ARHGAP26: variants seen among roughly 807,000 people sequenced by gnomAD.
The protein encoded by ARHGAP26 is rho GTPase-activating protein 26.
A neutral mutation model predicts 104.8 loss-of-function variants in ARHGAP26; 38 were observed. The observed-to-expected ratio is 0.36, with a 90% CI of 0.28 to 0.48. The LOEUF (loss-of-function observed/expected upper bound fraction) is 0.48, where lower values mean the gene tolerates loss of function less well. Among genes scored for constraint, ARHGAP26 ranks in the 20% least tolerant of loss-of-function variants. The pLI is 0.99. For synonymous variants in ARHGAP26, 341 were observed against 340.0 expected (o/e 1.00, Z -0.03); for missense variants, 704 against 947.9 (o/e 0.74, Z 3.38).
chr5:143,096,923 A>C (rs1454274069), intron 17 of ARHGAP26, among the ~76,000 whole-genome samples: 1 of 152,192 alleles, frequency 6.6e-6, no homozygotes, highest in Non-Finnish European at 1.5e-5. Context: ...AGAGAACATA[A>C]TATCCTCATT....
At chr5:142,966,454 A>G (rs903869627) in intron 11 of ARHGAP26, among the ~76,000 whole-genome samples, 2 of 152,228 alleles carry the variant, frequency 1.3e-5, no homozygotes, top group Non-Finnish European at 2.9e-5. Flanking sequence ...ATGTGTAAAT[A>G]CTTGGCCTCC....
chr5:143,151,851 G>T (rs1041965610), intron 20 of ARHGAP26, among the ~76,000 whole-genome samples: 1 of 152,162 alleles, frequency 6.6e-6, no homozygotes, highest in Non-Finnish European at 1.5e-5. Context: ...CCAGGCTCAG[G>T]AGGCTGAGGC....
At chr5:143,156,840 T>C (rs1316816586) in intron 20 of ARHGAP26, among the ~76,000 whole-genome samples, 1 of 152,244 alleles carries the variant, frequency 6.6e-6, no homozygotes, top group Non-Finnish European at 1.5e-5. Context: ...CAGGAACCTA[T>C]TAGCTCACCA....
chr5:142,824,005 A>G (rs889844205), intron 1 of ARHGAP26, among the ~76,000 whole-genome samples: 2 of 152,310 alleles, frequency 1.3e-5, no homozygotes, highest in East Asian at 1.9e-4. Flanking sequence ...AAGTTTGGGG[A>G]CGACTTCACT....
chr5:143,133,882 C>T lies in ARHGAP26; in HGVS notation c.1699-85C>T, dbSNP rs878912668. On this transcript the variant is annotated intron_variant, in intron 18 of 22. Transcript: ENST00000645722. ...TTTTCTTGCTAATTCCAAGACACTG[C>T]CAAGCTTTCCGTTGTACTGCTTCAG... The T allele has an allele frequency of 1.8e-5, 25 of 1,356,552 alleles. No homozygotes were observed. The Admixed American group carries it at 4.0e-4, about 22-fold the overall frequency. The allele number at this position is 1,356,552 out of a possible 1,614,324, so 84.0% of individuals were successfully genotyped here. A position where few individuals can be genotyped will look rare whatever the true frequency, so the allele number is the denominator to read the frequency against.
At chr5:142,901,909 C>T (rs1225610898) in intron 6 of ARHGAP26, 26 bp from the exon 7 acceptor site, 1 of 1,597,408 alleles carries the variant, frequency 6.3e-7, no homozygotes, top group Admixed American at 1.7e-5. Flanking sequence ...GGTTATGTGA[C>T]CTTTGCCTTT....
chr5:142,847,230 A>G (rs1772162542), intron 1 of ARHGAP26, among the ~76,000 whole-genome samples: 1 of 152,204 alleles, frequency 6.6e-6, no homozygotes, highest in Non-Finnish European at 1.5e-5. Context: ...AGATCTCAAT[A>G]AAAGGTGGCT....
Position 142,871,320 on chromosome 5 carries a change from TC to T in ARHGAP26, c.155-2078del, listed in dbSNP as rs1755263376. 6.6e-6 allele frequency among the ~76,000 whole-genome samples: 1 copy of T among 152,204 alleles called. No individual in the cohort carries two copies. The highest frequency in any genetic ancestry group is 1.5e-5 in the Non-Finnish European group (1 of 68,038). On this transcript the variant is annotated intron_variant, in intron 1 of 22. Coordinates refer to ENST00000645722, the MANE Select transcript of ARHGAP26 (RefSeq NM_001135608.3). This position sits in a 1 kb window ranked among gnomAD's most constrained non-coding sequence, Gnocchi z 4.1. ...TTGTGCATGACCAGCCACTCCCTGA[TC>T]CTCCTGGCAGCTGCCCTTGGCAGTG...
intron 3 of ARHGAP26, among the ~76,000 whole-genome samples, chr5:142,877,627 G>A (rs182912685): frequency 4.8e-4 from 73 of 152,326 alleles, no homozygotes; most frequent in South Asian, 4.1e-4. Flanking sequence ...AAGGACTTGG[G>A]GGTCCTGATT....
intron 5 of ARHGAP26, among the ~76,000 whole-genome samples, chr5:142,888,484 C>T: frequency 6.6e-6 from 1 of 152,182 alleles, no homozygotes; most frequent in East Asian, 1.9e-4. Context: ...ATGTATTGAT[C>T]ATTTTCTTCA....
chr5:143,097,836 A>AAG (rs386405162), intron 17 of ARHGAP26, among the ~76,000 whole-genome samples: 2 of 151,570 alleles, frequency 1.3e-5, no homozygotes, highest in African/African-American at 4.8e-5. Context: ...AAAAAAAAAA[A>AAG]AGAAAATTAC....
intron 1 of ARHGAP26, among the ~76,000 whole-genome samples, chr5:142,780,628 C>G (rs142971904): frequency 3.0e-4 from 45 of 152,360 alleles, no homozygotes; most frequent in African/African-American, 9.6e-4. Flanking sequence ...TAAACTGAGA[C>G]AGCTGTACCT....
intron 12 of ARHGAP26, among the ~76,000 whole-genome samples, chr5:143,027,470 C>T (rs1260090897): frequency 6.6e-6 from 1 of 151,826 alleles, no homozygotes; most frequent in Non-Finnish European, 1.5e-5. Flanking sequence ...GGGTATGAGC[C>T]ACTGCACCTG....
rs1783827616 is a variant in ARHGAP26, at chr5:143,043,826, A to T, written c.1285+1936A>T. ...AGCTGTAATGTAAAGTATGATATTC[A>T]TGCTTAATCTGTGCTGGGTCTAGAA... is the stretch of plus-strand genomic sequence containing the variant. On this transcript the variant is annotated intron_variant, in intron 14 of 22. Coordinates refer to ENST00000645722, the MANE Select transcript of ARHGAP26 (RefSeq NM_001135608.3). Among the ~76,000 whole-genome samples, 3 of 152,252 alleles carry T rather than the reference A, an allele frequency of 2.0e-5. No homozygotes were observed. The South Asian group carries it at 6.2e-4, about 31-fold the overall frequency.
chr5:142,971,509 C>T (rs43158), intron 11 of ARHGAP26, among the ~76,000 whole-genome samples: 12,223 of 152,148 alleles, frequency 0.08, 752 homozygotes, highest in East Asian at 0.26. Flanking sequence ...AGCAGCGCTG[C>T]AGGAAGTTTG....
intron 1 of ARHGAP26, among the ~76,000 whole-genome samples, chr5:142,857,428 G>C (rs896773892): frequency 1.3e-5 from 2 of 152,150 alleles, no homozygotes; most frequent in African/African-American, 4.8e-5. Context: ...TCCTGTCTCT[G>C]CTGAGGGCTC....
chr5:143,095,760 A>G (rs1792210789), intron 17 of ARHGAP26, among the ~76,000 whole-genome samples: 1 of 152,122 alleles, frequency 6.6e-6, no homozygotes, highest in Non-Finnish European at 1.5e-5. Flanking sequence ...TTTGGTAGAG[A>G]TGGGGTTTCA....
chr5:142,979,117 T>C (rs990483284), intron 11 of ARHGAP26, among the ~76,000 whole-genome samples: 2 of 152,176 alleles, frequency 1.3e-5, no homozygotes, highest in African/African-American at 4.8e-5. Flanking sequence ...TCAGATGATA[T>C]CAAGGAATTA....
At chr5:143,108,579 G>T (rs3776309) in intron 17 of ARHGAP26, among the ~76,000 whole-genome samples, 128,180 of 152,150 alleles carry the variant, frequency 0.84, 55,003 homozygotes, top group Non-Finnish European at 0.92. Flanking sequence ...GCCTCCCAGT[G>T]TTTTTTCAGA....
Sources: gnomAD v4.1 joint callset for allele counts (sites outside exome capture counted in the v4.1 genomes callset) on GRCh38, gnomAD v4.1.1 for gene constraint, Gnocchi (gnomAD v3.1) non-coding constraint, MANE v1.5 for transcripts, NCBI Gene and HGNC (gene_info 2026-07-23, HGNC 2026-07-21) for gene names.